MYL4: variants seen among roughly 807,000 people sequenced by gnomAD.
MYL4 encodes myosin light chain 4, also known as atrial myosin light chain 1.
Under a neutral mutation model 21.6 loss-of-function variants are expected in MYL4, and 16 were observed. The observed-to-expected ratio is 0.74, with a 90% CI of 0.50 to 1.12. The LOEUF (loss-of-function observed/expected upper bound fraction) is 1.12, where lower values mean the gene tolerates loss of function less well. Ranked by LOEUF, MYL4 falls within the 50% of genes most tolerant of loss-of-function variation. MYL4 has a pLI of 0.00. For missense variants in MYL4, 249 were observed against 252.9 expected, an observed-to-expected ratio of 0.98 and a Z score of 0.11; for synonymous variants, 82 against 95.7, an observed-to-expected ratio of 0.86 and a Z score of 0.83.
At chr17:47,221,588 C>T (rs921444887) in intron 3 of MYL4, 94 bp from the exon 4 acceptor site, 19 of 1,409,396 alleles carry the variant, frequency 1.3e-5, no homozygotes, top group Non-Finnish European at 1.6e-5. Context: ...GCCCTGGGTG[C>T]TGTCAGACTT....
chr17:47,207,719 T>C (rs1368482708), upstream of MYL4, among the ~76,000 whole-genome samples: 1 of 152,224 alleles, frequency 6.6e-6, no homozygotes, highest in Non-Finnish European at 1.5e-5. Flanking sequence ...AGTGGATACA[T>C]AAGCTTTTTT....
At chr17:47,211,397 T>C (rs1598652482) in intron 1 of MYL4, among the ~76,000 whole-genome samples, 1 of 151,976 alleles carries the variant, frequency 6.6e-6, no homozygotes, top group South Asian at 2.1e-4. Flanking sequence ...AATAAATAAA[T>C]AAATTATAAA....
intron 3 of MYL4, 136 bp from the exon 4 acceptor site, chr17:47,221,546 G>A: frequency 1.1e-6 from 1 of 934,520 alleles, no homozygotes; most frequent in African/African-American, 1.6e-5. Context: ...GAGCACTAAT[G>A]GGTGTACCAC....
chr17:47,223,379 C>T, intron 6 of MYL4, 130 bp from the exon 7 acceptor site: 1 of 323,278 alleles, frequency 3.1e-6, no homozygotes, highest in Non-Finnish European at 5.6e-6. Context: ...AGAGAAGGTC[C>T]CTGGCCTGTG....
the MYL4 span, among the ~76,000 whole-genome samples, chr17:47,191,651 A>C: frequency 6.6e-6 from 1 of 152,194 alleles, no homozygotes; most frequent in African/African-American, 2.4e-5. Context: ...TTGTATTTTT[A>C]GTAGAGACGG....
chr17:47,190,644 A>G, the MYL4 span, among the ~76,000 whole-genome samples: 1 of 152,204 alleles, frequency 6.6e-6, no homozygotes, highest in Non-Finnish European at 1.5e-5. Context: ...ATATACTTAT[A>G]GCCCCTAAAG....
chr17:47,223,684 T>G (rs948195732), downstream of MYL4: 1 of 152,252 alleles, frequency 6.6e-6, no homozygotes, highest in Admixed American at 6.5e-5. Flanking sequence ...TTCTGACCAG[T>G]CTCTGTTTTG....
At chr17:47,225,963 G>C (rs1598663211), downstream of MYL4, among the ~76,000 whole-genome samples, 1 of 150,264 alleles carries the variant, frequency 6.7e-6, no homozygotes, top group African/African-American at 2.5e-5. Context: ...TTGGTGTACA[G>C]ATTATTTCAC....
upstream of MYL4, among the ~76,000 whole-genome samples, chr17:47,198,802 A>G (rs2064698773): frequency 6.6e-6 from 1 of 152,004 alleles, no homozygotes; most frequent in Non-Finnish European, 1.5e-5. Context: ...GGCAACAAAG[A>G]GAGACCCTCA....
chr17:47,201,195 T>A (rs1469969071), intron 1 of MYL4, among the ~76,000 whole-genome samples: 4 of 151,960 alleles, frequency 2.6e-5, no homozygotes, highest in Non-Finnish European at 5.9e-5. Context: ...AAAAATAAAG[T>A]GTTGTGATAG....
chr17:47,197,092 G>GTTTTTTTTTTT (rs71365051), upstream of MYL4, among the ~76,000 whole-genome samples: 1 of 113,354 alleles, frequency 8.8e-6, no homozygotes, highest in African/African-American at 3.7e-5. Context: ...TCCTTAAAGG[G>GTTTTTTTTTTT]TTTTTTTTTT....
chr17:47,222,286 T>G, intron 4 of MYL4, 94 bp from the exon 5 acceptor site: 1 of 1,232,508 alleles, frequency 8.1e-7, no homozygotes, highest in South Asian at 1.2e-5. Context: ...CCAGGCAGTC[T>G]TGGACCTTCA....
intron 3 of MYL4, 62 bp downstream of exon 3, chr17:47,220,115 C>T: frequency 6.6e-7 from 1 of 1,511,908 alleles, no homozygotes; most frequent in Non-Finnish European, 8.8e-7. Context: ...TGGCTTCCTC[C>T]TTGTCCAGAT....
chr17:47,226,741 G>A (rs1040239246), downstream of MYL4, among the ~76,000 whole-genome samples: 5 of 152,228 alleles, frequency 3.3e-5, no homozygotes, highest in Admixed American at 6.5e-5. Context: ...AGGGACCCAA[G>A]TTCTTTTATC....
In MYL4 at chr17:47,210,243, G is replaced by T. The variant is rs926467916; in HGVS notation, c.135+686G>T. Reference sequence around the variant, plus strand: ...CTCTCCAACCGGGTCAGGAAGCTGGGCCTGGTTCCTTTGCCCCACCCTGCT... The same window carrying T: ...CTCTCCAACCGGGTCAGGAAGCTGGTCCTGGTTCCTTTGCCCCACCCTGCT... On this transcript the variant is annotated intron_variant, in intron 1 of 6. Coordinates refer to ENST00000393450, the MANE Select transcript of MYL4 (RefSeq NM_002476.2). Among the ~76,000 whole-genome samples, 22 of 152,168 alleles carry T rather than the reference G, an allele frequency of 1.4e-4. 1 individual carries two copies. Among genetic ancestry groups the T allele is most frequent in the African/African-American group, 4.8e-4 (20 of 41,426 alleles).
At chr17:47,222,911 G>A (rs2064867359) in intron 5 of MYL4, 103 bp from the exon 6 acceptor site, 3 of 1,391,178 alleles carry the variant, frequency 2.2e-6, no homozygotes, top group Non-Finnish European at 3.1e-6. Flanking sequence ...TGGAGAAAGG[G>A]GAGCAGGAGG....
chr17:47,189,621 G>C, the MYL4 span, among the ~76,000 whole-genome samples: 1 of 152,226 alleles, frequency 6.6e-6, no homozygotes, highest in Non-Finnish European at 1.5e-5. Flanking sequence ...GCTGCAGTGT[G>C]GATTAGCCCC....
At chr17:47,209,238 G>C, upstream of MYL4, 1 of 754,386 alleles carries the variant, frequency 1.3e-6, no homozygotes. Context: ...GCTGTACCCT[G>C]CTGGCGTTTC....
At chr17:47,222,208 A>G in intron 4 of MYL4, 172 bp from the exon 5 acceptor site, 1 of 653,786 alleles carries the variant, frequency 1.5e-6, no homozygotes, top group Non-Finnish European at 2.7e-6. Context: ...ACTAGGCAAG[A>G]CCTTTAGACC....
Sources: gnomAD v4.1 joint callset for allele counts (sites outside exome capture counted in the v4.1 genomes callset) on GRCh38, gnomAD v4.1.1 for gene constraint, MANE v1.5 for transcripts, NCBI Gene and HGNC (gene_info 2026-07-23, HGNC 2026-07-21) for gene names.